Variants in PPTC7 observed in about 807,000 individuals in gnomAD.
PPTC7 encodes the protein protein phosphatase targeting COQ7, also known as protein phosphatase PTC7 homolog.
In PPTC7, 6 loss-of-function variants were observed where a neutral mutation model predicts 30.8. The observed-to-expected ratio is 0.19, with a 90% CI of 0.11 to 0.38. The LOEUF is 0.38. Ranked by LOEUF, PPTC7 falls within the 10% of genes least tolerant of loss-of-function variation. The pLI is 1.00. For synonymous variants in PPTC7, 163 were observed against 168.1 expected (o/e 0.97, Z 0.23); for missense variants, 218 against 404.8 (o/e 0.54, Z 3.96).
chr12:110,542,271 C>T (rs1321500667), intron 3 of PPTC7, among the ~76,000 whole-genome samples: 4 of 151,534 alleles, frequency 2.6e-5, no homozygotes, highest in Non-Finnish European at 5.9e-5. Flanking sequence ...AAGGTGAAGA[C>T]GGTGTGTCGT....
chr12:110,562,447 T>C (rs1050004138), intron 1 of PPTC7, among the ~76,000 whole-genome samples: 1 of 152,092 alleles, frequency 6.6e-6, no homozygotes, highest in Non-Finnish European at 1.5e-5. Context: ...GGTAAAATTA[T>C]ATAGATTATG....
intron 1 of PPTC7, among the ~76,000 whole-genome samples, chr12:110,571,592 A>G (rs1033722557): frequency 7.2e-5 from 11 of 152,256 alleles, no homozygotes; most frequent in Admixed American, 4.6e-4. Context: ...ACTCATGTAT[A>G]GAATTGTACA....
intron 1 of PPTC7, among the ~76,000 whole-genome samples, chr12:110,552,415 A>G (rs2064355480): frequency 6.6e-6 from 1 of 152,246 alleles, no homozygotes; most frequent in African/African-American, 2.4e-5. Flanking sequence ...ACATTGGTCA[A>G]TCGCTGGGAA....
chr12:110,540,725 G>C (rs1214720517), intron 3 of PPTC7, among the ~76,000 whole-genome samples: 1 of 151,694 alleles, frequency 6.6e-6, no homozygotes, highest in African/African-American at 2.4e-5. Context: ...CTGGGTCCTG[G>C]AGTGCCATAG....
intron 1 of PPTC7, among the ~76,000 whole-genome samples, chr12:110,571,158 C>A (rs2135791180): frequency 6.6e-6 from 1 of 152,112 alleles, no homozygotes; most frequent in South Asian, 2.1e-4. Flanking sequence ...ATGGGGCAAA[C>A]TAAAAGTAAA....
At chr12:110,568,744 C>T (rs2064507806) in intron 1 of PPTC7, among the ~76,000 whole-genome samples, 1 of 152,218 alleles carries the variant, frequency 6.6e-6, no homozygotes, top group East Asian at 1.9e-4. Flanking sequence ...GGTATACAAA[C>T]TTTCAGCCAA....
chr12:110,562,382 T>C lies in PPTC7; in HGVS notation c.224-10414A>G, dbSNP rs376241425. Among the ~76,000 whole-genome samples, 14 of 150,764 alleles carry C rather than the reference T, an allele frequency of 9.3e-5. No individual in the cohort carries two copies. In the East Asian group the frequency reaches 2.7e-3, roughly 29 times the overall value. On this transcript the variant is annotated intron_variant, in intron 1 of 5. Coordinates refer to ENST00000354300, the MANE Select transcript of PPTC7 (RefSeq NM_139283.2). ...TCAACAAATATATTCTGTCAAGTTA[T>C]ACAGAAAAATGTCATGTGCTTTTTG...
At chr12:110,568,336 T>G (rs2064503326) in intron 1 of PPTC7, among the ~76,000 whole-genome samples, 1 of 149,708 alleles carries the variant, frequency 6.7e-6, no homozygotes, top group African/African-American at 2.5e-5. Flanking sequence ...CACTGCAAGC[T>G]CCGCCTCCCG....
At chr12:110,575,093 T>C (rs904795801) in intron 1 of PPTC7, among the ~76,000 whole-genome samples, 1 of 151,866 alleles carries the variant, frequency 6.6e-6, no homozygotes, top group Non-Finnish European at 1.5e-5. Context: ...GCCCGGCCCC[T>C]ATCAGGTTTT....
chr12:110,539,807 C>T lies in PPTC7; in HGVS notation c.726+15G>A, dbSNP rs1377405212. ...AGGGCCACTTTTCCCAAGAGCTAACCTTTGAGTTAATTACCTTTAACTTTT... is the reference window on the plus strand; with the variant it reads ...AGGGCCACTTTTCCCAAGAGCTAACTTTTGAGTTAATTACCTTTAACTTTT... On this transcript the variant is annotated intron_variant, in intron 4 of 5. Coordinates refer to ENST00000354300, the MANE Select transcript of PPTC7 (RefSeq NM_139283.2). 1 of 1,612,832 alleles carries T rather than the reference C, an allele frequency of 6.2e-7. No individual in the cohort carries two copies.
intron 2 of PPTC7, among the ~76,000 whole-genome samples, chr12:110,547,183 A>T (rs991835919): frequency 1.7e-4 from 26 of 152,204 alleles, no homozygotes; most frequent in African/African-American, 6.3e-4. Flanking sequence ...CAATCTAAAC[A>T]TCTAAAATAA....
Position 110,542,152 on chromosome 12 carries a change from GA to G in PPTC7, c.603-2208del, listed in dbSNP as rs60295908. 3.5e-3 allele frequency among the ~76,000 whole-genome samples: 468 copies of G among 134,342 alleles called. 3 individuals carry two copies. Among genetic ancestry groups the G allele is most frequent in the African/African-American group, 0.011 (387 of 36,426 alleles). 88.1% of individuals were successfully genotyped at this position (134,342 alleles called of 152,430 possible). A position where few individuals can be genotyped will look rare whatever the true frequency, so the allele number is the denominator to read the frequency against. ...GCAACAGAGCAAGACTCCATCTCAA[GA>G]AAAAAAAAAAATAGAAGAAATATCT... On this transcript the variant is annotated intron_variant, in intron 3 of 5. Transcript: ENST00000354300.
rs920289265 is a variant in PPTC7, at chr12:110,534,374, T to C, written c.*2663A>G. 9 of 152,058 alleles carry C rather than the reference T, an allele frequency of 5.9e-5. No individual in the cohort carries two copies. Among genetic ancestry groups the C allele is most frequent in the South Asian group, 4.2e-4 (2 of 4,812 alleles). The allele number at this position is 152,058 out of a possible 1,614,324, so 9.4% of individuals were successfully genotyped here. On this transcript the variant is annotated 3_prime_UTR_variant, in exon 6 of 6. Coordinates refer to ENST00000354300, the MANE Select transcript of PPTC7 (RefSeq NM_139283.2). Reference sequence around the variant, plus strand: ...TTAGAAATCCAAATTTTTTCTTTTGTTATAAAAGTCCATTACATGAGGCGT... The same window carrying C: ...TTAGAAATCCAAATTTTTTCTTTTGCTATAAAAGTCCATTACATGAGGCGT...
chr12:110,542,673 C>CAAAAAA (rs765332697), intron 3 of PPTC7, among the ~76,000 whole-genome samples: 91 of 26,534 alleles, frequency 3.4e-3, no homozygotes, highest in Middle Eastern at 0.026. Context: ...GACTCTGTCT[C>CAAAAAA]AAAAAAAAAA....
rs11065665 is a variant in PPTC7 at position 110,558,235 on chromosome 12, T to C, written c.224-6267A>G. 1.8e-3 allele frequency among the ~76,000 whole-genome samples: 276 copies of C among 152,304 alleles called. 11 individuals are homozygous for C. The East Asian group carries it at 0.051, about 28-fold the overall frequency. The stretch of plus-strand genomic sequence containing the variant: ...GTGTTGTGTATAAAGTGAGGAACTA[T>C]GAGTTTGCGGCTGGCAAGGCAAGTT... On this transcript the variant is annotated intron_variant, in intron 1 of 5. Coordinates refer to ENST00000354300, the MANE Select transcript of PPTC7 (RefSeq NM_139283.2).
chr12:110,565,562 T>C (rs566947246), intron 1 of PPTC7, among the ~76,000 whole-genome samples: 3 of 152,220 alleles, frequency 2.0e-5, no homozygotes, highest in Admixed American at 2.0e-4. Context: ...GCCCATACTT[T>C]CCAATTTTTT....
At chr12:110,563,582 G>A (rs918762466) in intron 1 of PPTC7, among the ~76,000 whole-genome samples, 11 of 151,350 alleles carry the variant, frequency 7.3e-5, no homozygotes, top group Non-Finnish European at 1.2e-4. Context: ...GCCACTGCAC[G>A]CCAGCCTGGG....
At chr12:110,544,650 A>G (rs2064290309) in intron 3 of PPTC7, among the ~76,000 whole-genome samples, 1 of 152,228 alleles carries the variant, frequency 6.6e-6, no homozygotes, top group Non-Finnish European at 1.5e-5. Context: ...CCTGGCCAAC[A>G]TGGTGAAACC....
At chr12:110,582,627 G>T (rs1310165174) in intron 1 of PPTC7, among the ~76,000 whole-genome samples, 182 bp downstream of exon 1, 1 of 152,212 alleles carries the variant, frequency 6.6e-6, no homozygotes, top group Non-Finnish European at 1.5e-5. Flanking sequence ...TAAAATGGGG[G>T]TCGTTCAAGC....
Sources: gnomAD v4.1 joint callset for allele counts (sites outside exome capture counted in the v4.1 genomes callset) on GRCh38, gnomAD v4.1.1 for gene constraint, MANE v1.5 for transcripts, NCBI Gene and HGNC (gene_info 2026-07-23, HGNC 2026-07-21) for gene names.